The following TRUB2 variants were observed in gnomAD, a reference collection of about 807,000 sequenced individuals.
TRUB2 encodes TruB pseudouridine synthase family member 2.
A neutral mutation model predicts 31.9 loss-of-function variants in TRUB2; 31 were observed. The ratio of observed to expected loss-of-function variants is 0.97; its 90% CI spans 0.73 to 1.31. The LOEUF is 1.31. TRUB2 is among the 50% of genes most tolerant of loss of function. TRUB2 has a pLI of 0.00. For synonymous variants in TRUB2, 201 were observed against 182.6 expected (o/e 1.10, Z -0.81); for missense variants, 451 against 439.6 (o/e 1.03, Z -0.23).
intron 4 of TRUB2, 77 bp from the exon 5 acceptor site, chr9:128,313,966 G>C (rs1832025040): frequency 1.4e-6 from 2 of 1,395,570 alleles, no homozygotes; most frequent in Non-Finnish European, 2.0e-6. Flanking sequence ...GAAGCTGGGG[G>C]TGGGGGGTCC....
Position 128,322,312 on chromosome 9 carries a change from G to A in TRUB2, c.97C>T (p.Gln33Ter), listed in dbSNP as rs1006252550. ...WKHLRDTVEL[Q>*]LLKGLNARKP... Reference sequence around the variant, plus strand: ...TCGAGGCACTCACCCTTCAGAAGTTGTAGCTCCACTGTATCCCGCAGGTGC... The same window carrying A: ...TCGAGGCACTCACCCTTCAGAAGTTATAGCTCCACTGTATCCCGCAGGTGC... The change falls in exon 1 of 8, where the codon CAA becomes TAA. Residue 33 changes from glutamine (Q) to a stop codon, truncating the protein, a stop_gained. Coordinates refer to ENST00000372890, the MANE Select transcript of TRUB2 (RefSeq NM_015679.3). LOFTEE classifies it high-confidence loss of function. 9.9e-6 allele frequency: 16 copies of A among 1,613,906 alleles called. No individual in the cohort carries two copies. Among genetic ancestry groups the A allele is most frequent in the African/African-American group, 1.3e-5 (1 of 74,916 alleles).
At chr9:128,315,881 C>T (rs1832060222) in intron 3 of TRUB2, 1 of 518,824 alleles carries the variant, frequency 1.9e-6, no homozygotes, top group Non-Finnish European at 3.5e-6. Context: ...CCAAGCTCTC[C>T]ACAGGATTCT....
At chr9:128,313,983 C>T in intron 4 of TRUB2, 94 bp from the exon 5 acceptor site, 1 of 1,154,822 alleles carries the variant, frequency 8.7e-7, no homozygotes, top group Non-Finnish European at 1.3e-6. Context: ...GTCCTCAGGT[C>T]TCCCTCAGGA....
In TRUB2 at chr9:128,311,621, G is replaced by A; in HGVS notation, c.461-20C>T. On this transcript the variant is annotated intron_variant, in intron 5 of 7. Coordinates refer to ENST00000372890, the MANE Select transcript of TRUB2 (RefSeq NM_015679.3). ...CGTGGTCTGGAAAAGGCAGGGGGTT[G>A]TCAATGTACAGGTACCTGCTGAGTA... 6.2e-7 allele frequency: 1 copy of A among 1,613,770 alleles called. No individual in the cohort carries two copies. The highest frequency in any genetic ancestry group is 1.1e-5 in the South Asian group (1 of 91,070).
At chr9:128,310,764 T>C in intron 7 of TRUB2, 123 bp downstream of exon 7, 2 of 1,380,840 alleles carry the variant, frequency 1.4e-6, no homozygotes, top group South Asian at 1.3e-5. Context: ...CCCGCAGAGA[T>C]CAGGGCCGGC....
intron 1 of TRUB2, 113 bp downstream of exon 1, chr9:128,322,187 G>T: frequency 3.7e-6 from 3 of 817,702 alleles, no homozygotes; most frequent in Non-Finnish European, 4.0e-6. Context: ...TTGGGAAAGC[G>T]CTCTGCCCAG....
rs994206877 is a variant in TRUB2 at position 128,307,037 on chromosome 9, A to T, written c.*2513T>A. On this transcript the variant is annotated 3_prime_UTR_variant, in exon 8 of 8. Transcript: ENST00000372890. ...TTTGGGAGGCTGAAGCGGGCAGATC[A>T]CCTGAGGTCAGGACTTTGAGACCAG... 4 of 151,824 alleles carry T rather than the reference A, an allele frequency of 2.6e-5. No homozygotes were observed. The highest frequency in any genetic ancestry group is 9.7e-5 in the African/African-American group (4 of 41,368). 9.4% of individuals were successfully genotyped at this position (151,824 alleles called of 1,614,324 possible).
chr9:128,317,294 G>A, intron 2 of TRUB2, 68 bp from the exon 3 acceptor site: 1 of 1,435,130 alleles, frequency 7.0e-7, no homozygotes, highest in Non-Finnish European at 9.6e-7. Context: ...TGGGCTGCAT[G>A]TTGACCTCGT....
chr9:128,315,267 G>A (rs1330377191), intron 4 of TRUB2, among the ~76,000 whole-genome samples: 1 of 152,148 alleles, frequency 6.6e-6, no homozygotes, highest in Non-Finnish European at 1.5e-5. Context: ...TCTCCTCTCT[G>A]AGCCTCAGTT....
intron 2 of TRUB2, among the ~76,000 whole-genome samples, chr9:128,319,742 G>A (rs1346780232): frequency 6.9e-6 from 1 of 144,550 alleles, no homozygotes; most frequent in Non-Finnish European, 1.5e-5. Flanking sequence ...AGGTTCGTGC[G>A]ACTCCTCGTA....
At chr9:128,311,046 C>T (rs2131443449) in intron 6 of TRUB2, 23 bp from the exon 7 acceptor site, 1 of 1,600,622 alleles carries the variant, frequency 6.2e-7, no homozygotes, top group Non-Finnish European at 8.5e-7. Flanking sequence ...AAGGGGGCTG[C>T]AGCTGGGTGG....
Position 128,313,807 on chromosome 9 carries a change from C to G in TRUB2, c.460+1G>C, listed in dbSNP as rs1478378411. On this transcript the variant is annotated splice_donor_variant, in intron 5 of 7. Transcript: ENST00000372890. LOFTEE classifies it high-confidence loss of function. ...CAGCGGCAGCCACTTCCGGTTCTCA[C>G]CATAGGTTGTCTTCTCTACCAGCCT... 2 of 1,614,096 alleles carry G rather than the reference C, an allele frequency of 1.2e-6. No individual in the cohort carries two copies. Among genetic ancestry groups the G allele is most frequent in the South Asian group, 2.2e-5 (2 of 91,078 alleles).
chr9:128,306,220 A>C lies in TRUB2; in HGVS notation c.*3330T>G, dbSNP rs1831862867. 1 of 152,062 alleles carries C rather than the reference A, an allele frequency of 6.6e-6. No homozygotes were observed. Among genetic ancestry groups the C allele is most frequent in the African/African-American group, 2.4e-5 (1 of 41,408 alleles). The allele number at this position is 152,062 out of a possible 1,614,324, so 9.4% of individuals were successfully genotyped here. ...TGACTCAGAGTTCCCCTATCCTGCTATCCTGAGATCATGAGAGGCCATCAC... is the reference window on the plus strand; with the variant it reads ...TGACTCAGAGTTCCCCTATCCTGCTCTCCTGAGATCATGAGAGGCCATCAC... On this transcript the variant is annotated 3_prime_UTR_variant, in exon 8 of 8. Coordinates refer to ENST00000372890, the MANE Select transcript of TRUB2 (RefSeq NM_015679.3).
At chr9:128,317,327 C>G (rs1043182179) in intron 2 of TRUB2, 101 bp from the exon 3 acceptor site, 8 of 1,049,086 alleles carry the variant, frequency 7.6e-6, no homozygotes, top group Non-Finnish European at 1.1e-5. Flanking sequence ...CCTCATGGAG[C>G]CCAAACTAGC....
chr9:128,319,741 C>T (rs970917633), intron 2 of TRUB2, among the ~76,000 whole-genome samples: 2 of 149,570 alleles, frequency 1.3e-5, no homozygotes, highest in African/African-American at 2.5e-5. Context: ...CAGGTTCGTG[C>T]GACTCCTCGT....
At chr9:128,319,501 G>A (rs1482091519) in intron 2 of TRUB2, among the ~76,000 whole-genome samples, 2 of 151,574 alleles carry the variant, frequency 1.3e-5, no homozygotes, top group African/African-American at 4.8e-5. Context: ...TAAATAAATA[G>A]AATACTACAG....
At chr9:128,313,704 G>A (rs772347886) in intron 5 of TRUB2, 104 bp downstream of exon 5, 6 of 992,918 alleles carry the variant, frequency 6.0e-6, no homozygotes, top group East Asian at 4.8e-5. Context: ...CAAGCCTAGT[G>A]TGTGCAGTGG....
chr9:128,308,670 C>T lies in TRUB2; in HGVS notation c.*880G>A, dbSNP rs545940746. ...CCTTTAAGAGAAAAGACTGAGGTCC[C>T]GGCCAGGTGCGGTGGCTCACGCCTG... On this transcript the variant is annotated 3_prime_UTR_variant, in exon 8 of 8. Transcript: ENST00000372890. 7.9e-5 allele frequency: 12 copies of T among 151,272 alleles called. No individual in the cohort carries two copies. The East Asian group carries it at 2.0e-3, about 25-fold the overall frequency. 9.4% of individuals were successfully genotyped at this position (151,272 alleles called of 1,614,324 possible). A position where few individuals can be genotyped will look rare whatever the true frequency, so the allele number is the denominator to read the frequency against.
In TRUB2 at chr9:128,309,382, T is replaced by G. The variant is rs1831921903; in HGVS notation, c.*168A>C. On this transcript the variant is annotated 3_prime_UTR_variant, in exon 8 of 8. Coordinates refer to ENST00000372890, the MANE Select transcript of TRUB2 (RefSeq NM_015679.3). Reference sequence around the variant, plus strand: ...TACTGTCTTTTCCTCCATACAGAAGTTTTTCCTTCTCAGTTGGGTCAAGTC... The same window carrying G: ...TACTGTCTTTTCCTCCATACAGAAGGTTTTCCTTCTCAGTTGGGTCAAGTC... 1 of 680,790 alleles carries G rather than the reference T, an allele frequency of 1.5e-6. No homozygotes were observed. Among genetic ancestry groups the G allele is most frequent in the East Asian group, 2.7e-5 (1 of 36,526 alleles). 42.2% of individuals were successfully genotyped at this position (680,790 alleles called of 1,614,324 possible). A position where few individuals can be genotyped will look rare whatever the true frequency, so the allele number is the denominator to read the frequency against.
Sources: allele counts gnomAD v4.1 joint callset (sites outside exome capture counted in the v4.1 genomes callset), GRCh38; gene constraint gnomAD v4.1.1; transcripts MANE v1.5; gene names NCBI Gene and HGNC (gene_info 2026-07-23, HGNC 2026-07-21).